TBL1X: variants seen among roughly 807,000 people sequenced by gnomAD.
TBL1X encodes F-box-like/WD repeat-containing protein TBL1X.
Under a neutral mutation model 50.7 loss-of-function variants are expected in TBL1X, and 10 were observed. The observed-to-expected ratio is 0.20, with a 90% CI of 0.12 to 0.33. The LOEUF (loss-of-function observed/expected upper bound fraction) is 0.33. Ranked by LOEUF, TBL1X falls within the 10% of genes least tolerant of loss-of-function variation. TBL1X has a pLI of 1.00. For missense variants in TBL1X, 340 were observed against 504.4 expected, an observed-to-expected ratio of 0.67 and a Z score of 3.12; for synonymous variants, 190 against 214.7, an observed-to-expected ratio of 0.88 and a Z score of 1.01.
At chrX:9,545,000 CTTTTTTTTTTT>C (rs34726098) in intron 2 of TBL1X, among the ~76,000 whole-genome samples, 14 of 71,759 alleles carry the variant, frequency 2.0e-4, no homozygotes, top group African/African-American at 4.0e-4. Flanking sequence ...TTTCCCCCCA[CTTTTTTTTTTT>C]TTTTTTTTTT....
chrX:9,479,938 A>ATATGTGTGTGTGTGTGTG (rs1555956772), intron 1 of TBL1X, among the ~76,000 whole-genome samples: 1 of 94,988 alleles, frequency 1.1e-5, no homozygotes, highest in Non-Finnish European at 2.1e-5. Context: ...GGAAAGTAGA[A>ATATGTGTGTGTGTGTGTG]TGTGTGTGTG....
rs778053312 is a variant in TBL1X at position 9,592,642 on chromosome X, C to T, written c.-130-47631C>T. Among the ~76,000 whole-genome samples, 274 of 111,587 alleles carry T rather than the reference C, an allele frequency of 2.5e-3. 2 individuals are homozygous for T. Among genetic ancestry groups the T allele is most frequent in the African/African-American group, 8.1e-3 (248 of 30,647 alleles). ...ACTGGCCCTTCCACACTCCCCTCCC[C>T]ACACTCAGTCCCTGGTGACTTCTCT... On this transcript the variant is annotated intron_variant, in intron 2 of 17. Coordinates refer to ENST00000645353, the MANE Select transcript of TBL1X (RefSeq NM_005647.4).
At chrX:9,480,601 C>T (rs1332819608) in intron 1 of TBL1X, among the ~76,000 whole-genome samples, 1 of 111,599 alleles carries the variant, frequency 9.0e-6, no homozygotes, top group African/African-American at 3.3e-5. Context: ...AGTTTCCCCT[C>T]TATCAGTGAG....
intron 1 of TBL1X, among the ~76,000 whole-genome samples, chrX:9,465,676 G>T (rs1296267527): frequency 8.9e-6 from 1 of 112,867 alleles, no homozygotes; most frequent in Non-Finnish European, 1.9e-5. Context: ...GCCGCTCCCC[G>T]AAGTGCCGGC....
intron 2 of TBL1X, among the ~76,000 whole-genome samples, chrX:9,527,647 G>A (rs2082139290): frequency 9.0e-6 from 1 of 111,212 alleles, no homozygotes; most frequent in Non-Finnish European, 1.9e-5. Context: ...ATATTTTGTG[G>A]TTTTTAAACC....
chrX:9,624,803 A>G (rs147235085), intron 2 of TBL1X, among the ~76,000 whole-genome samples: 1,519 of 110,837 alleles, frequency 0.014, 8 homozygotes, highest in Middle Eastern at 0.041. Flanking sequence ...GGCAAGAACA[A>G]TGCTACTTAG....
intron 1 of TBL1X, among the ~76,000 whole-genome samples, chrX:9,491,791 G>A (rs1223118316): frequency 9.0e-6 from 1 of 110,979 alleles, no homozygotes; most frequent in African/African-American, 3.3e-5. Flanking sequence ...CAAGCTGACA[G>A]CCTCCTTTCT....
intron 2 of TBL1X, among the ~76,000 whole-genome samples, chrX:9,503,999 G>A (rs1329439863): frequency 8.9e-6 from 1 of 111,928 alleles, no homozygotes; most frequent in Non-Finnish European, 1.9e-5. Flanking sequence ...CCCTTCAACA[G>A]GGCTTGTCAG....
intron 2 of TBL1X, among the ~76,000 whole-genome samples, chrX:9,568,056 G>C (rs746263185): frequency 8.9e-6 from 1 of 111,980 alleles, no homozygotes; most frequent in Admixed American, 9.4e-5. Context: ...TGCTGTTGCG[G>C]ATGCCCAGCG....
At chrX:9,648,202 A>T (rs1307633402) in intron 3 of TBL1X, among the ~76,000 whole-genome samples, 1 of 111,361 alleles carries the variant, frequency 9.0e-6, no homozygotes, top group African/African-American at 3.3e-5. Context: ...GCCTATACGG[A>T]TGGGGACTCT....
At chrX:9,648,166 T>A (rs1051634891) in intron 3 of TBL1X, among the ~76,000 whole-genome samples, 12 of 111,416 alleles carry the variant, frequency 1.1e-4, no homozygotes, top group Non-Finnish European at 2.3e-4. Context: ...TCTCAGGACG[T>A]GAGCTACCTT....
At chrX:9,565,767 G>A (rs1234373753) in intron 2 of TBL1X, among the ~76,000 whole-genome samples, 1 of 110,820 alleles carries the variant, frequency 9.0e-6, no homozygotes, top group Non-Finnish European at 1.9e-5. Flanking sequence ...GGAGGTCAAG[G>A]CTGCAGTGAG....
chrX:9,663,780 A>T (rs1264110688), intron 5 of TBL1X, among the ~76,000 whole-genome samples: 1 of 107,373 alleles, frequency 9.3e-6, no homozygotes, highest in Non-Finnish European at 1.9e-5. Context: ...AAAAAAAAAA[A>T]GGAAGAAGAT....
intron 17 of TBL1X, 102 bp from the exon 18 acceptor site, chrX:9,716,118 A>G: frequency 1.2e-6 from 1 of 858,626 alleles, no homozygotes; most frequent in Non-Finnish European, 1.7e-6. Context: ...ACATCGGTGG[A>G]GGGCTAGATT....
chrX:9,540,507 A>T (rs1353853164), intron 2 of TBL1X, among the ~76,000 whole-genome samples: 1 of 112,529 alleles, frequency 8.9e-6, no homozygotes, highest in African/African-American at 3.2e-5. Context: ...TTTTCTCTTT[A>T]AAAAAGTGAG....
At chrX:9,595,561 T>G (rs1479323476) in intron 2 of TBL1X, among the ~76,000 whole-genome samples, 2 of 112,040 alleles carry the variant, frequency 1.8e-5, no homozygotes, top group Non-Finnish European at 1.9e-5. Context: ...GAGCAGCTGG[T>G]CAGGGCCCTT....
chrX:9,530,616 A>G (rs2082155306), intron 2 of TBL1X, among the ~76,000 whole-genome samples: 1 of 111,965 alleles, frequency 8.9e-6, no homozygotes, highest in African/African-American at 3.2e-5. Flanking sequence ...TTTCCTCTCT[A>G]CTTCCGCTAA....
intron 1 of TBL1X, among the ~76,000 whole-genome samples, chrX:9,483,549 C>T (rs2081894381): frequency 9.0e-6 from 1 of 111,609 alleles, no homozygotes; most frequent in Non-Finnish European, 1.9e-5. Flanking sequence ...CTTTACCTAA[C>T]TCCCCCCAAC....
At chrX:9,630,523 C>T (rs1389215902) in intron 2 of TBL1X, among the ~76,000 whole-genome samples, 1 of 112,502 alleles carries the variant, frequency 8.9e-6, no homozygotes, top group African/African-American at 3.2e-5. Context: ...CTTGGAATAC[C>T]TAATACATTG....
Sources: allele counts gnomAD v4.1 joint callset (sites outside exome capture counted in the v4.1 genomes callset), GRCh38; gene constraint gnomAD v4.1.1; transcripts MANE v1.5; gene names NCBI Gene and HGNC (gene_info 2026-07-23, HGNC 2026-07-21).